Variants in NRBP1 observed in about 807,000 individuals in gnomAD.
NRBP1 encodes nuclear receptor binding protein 1, also known as nuclear receptor-binding protein.
In NRBP1, 10 loss-of-function variants were observed where a neutral mutation model predicts 76.0. The ratio of observed to expected loss-of-function variants is 0.13; its 90% confidence interval spans 0.08 to 0.22. The LOEUF is 0.22. NRBP1 is among the 10% of genes least tolerant of loss of function. The pLI, the probability that NRBP1 is intolerant of heterozygous loss-of-function variation, is 1.00. For synonymous variants in NRBP1, 235 were observed against 240.2 expected (o/e 0.98, Z 0.20); for missense variants, 344 against 646.0 (o/e 0.53, Z 5.07).
At position 27,434,456 on chromosome 2, in the gene NRBP1, G is replaced by A; in HGVS notation, c.436-15G>A. On this transcript the variant is annotated splice_polypyrimidine_tract_variant and intron_variant, in intron 4 of 17. Transcript: ENST00000379852. Reference sequence around the variant, plus strand: ...TCTACTATAAGGCCTTTTAGTAAGTGCTTTGCCTCCCCAGGTCATTTTTAT... The same window carrying A: ...TCTACTATAAGGCCTTTTAGTAAGTACTTTGCCTCCCCAGGTCATTTTTAT... The A allele has an allele frequency of 6.3e-7, 1 of 1,592,178 alleles. No individual in the cohort carries two copies. Among genetic ancestry groups the A allele is most frequent in the South Asian group, 1.1e-5 (1 of 90,572 alleles).
At chr2:27,439,014 C>T (rs1033962004) in intron 10 of NRBP1, among the ~76,000 whole-genome samples, 4 of 151,876 alleles carry the variant, frequency 2.6e-5, no homozygotes, top group African/African-American at 4.8e-5. Context: ...CTGGGAAATT[C>T]GGTGAATTCA....
intron 7 of NRBP1, chr2:27,436,057 G>A: frequency 2.0e-6 from 1 of 502,302 alleles, no homozygotes; most frequent in Non-Finnish European, 3.6e-6. Context: ...TATGATCTGA[G>A]TGAGTCCAAA....
chr2:27,440,983 G>A, intron 14 of NRBP1, 43 bp downstream of exon 14: 2 of 1,612,178 alleles, frequency 1.2e-6, no homozygotes, highest in South Asian at 2.2e-5. Flanking sequence ...GGTTGTGGTG[G>A]AAGGGAGAGA....
intron 1 of NRBP1, among the ~76,000 whole-genome samples, chr2:27,432,910 GCT>G (rs1356867805): frequency 6.6e-6 from 1 of 151,454 alleles, no homozygotes; most frequent in Non-Finnish European, 1.5e-5. Flanking sequence ...ATGGGGTCTT[GCT>G]CTGTCACCCA....
rs1157212067 is a variant in NRBP1, at chr2:27,440,831, T to C, written c.1220T>C (p.Phe407Ser). 6.2e-7 allele frequency: 1 copy of C among 1,614,052 alleles called. No homozygotes were observed. The highest frequency in any genetic ancestry group is 1.3e-5 in the African/African-American group (1 of 75,034). The change falls in exon 14 of 18, where the codon TTT becomes TCT. Residue 407 changes from phenylalanine (F) to serine (S), a missense_variant. Phe to Ser is a radical substitution (Grantham distance 155, BLOSUM62 -2). Around this residue, in one of 3 missense-constraint regions of NRBP1, gnomAD observed 218 missense variants for 309.8 expected, o/e 0.70. Coordinates refer to ENST00000379852, the MANE Select transcript of NRBP1 (RefSeq NM_013392.4). ...VRNGIYPLTA[F>S]GLPRPQQPQQ... ...AATGGGATCTATCCTCTGACAGCCT[T>C]TGGGCTGCCTCGGCCCCAGCAGCCA...
chr2:27,435,894 C>T, intron 7 of NRBP1: 1 of 676,886 alleles, frequency 1.5e-6, no homozygotes. Context: ...CCCTGCCAGC[C>T]CTCCGCCTGC....
At chr2:27,436,992 G>A in intron 8 of NRBP1, 55 bp from the exon 9 acceptor site, 1 of 1,535,956 alleles carries the variant, frequency 6.5e-7, no homozygotes, top group Non-Finnish European at 8.9e-7. Flanking sequence ...AGGCATTCCT[G>A]CCAACCCTAG....
chr2:27,433,948 G>A (rs1215439413), intron 3 of NRBP1, 41 bp from the exon 4 acceptor site: 1 of 1,550,868 alleles, frequency 6.4e-7, no homozygotes. Flanking sequence ...TTATTACAGT[G>A]ATTTGTGACT....
intron 8 of NRBP1, 75 bp downstream of exon 8, chr2:27,436,911 A>G (rs1664328599): frequency 1.4e-6 from 2 of 1,476,944 alleles, no homozygotes; most frequent in East Asian, 4.5e-5. Context: ...TACAGAGGCA[A>G]TATAACTGAA....
chr2:27,430,910 A>G (rs1664088193), intron 1 of NRBP1, among the ~76,000 whole-genome samples: 1 of 152,228 alleles, frequency 6.6e-6, no homozygotes, highest in African/African-American at 2.4e-5. Context: ...TTAGCTCTCA[A>G]TAATTCTTTT....
Position 27,441,991 on chromosome 2 carries a change from TC to T in NRBP1, c.*183del. The T allele has an allele frequency of 1.7e-6, 1 of 588,844 alleles. No individual in the cohort carries two copies. The highest frequency in any genetic ancestry group is 2.2e-5 in the South Asian group (1 of 45,944). The allele number at this position is 588,844 out of a possible 1,614,324, so 36.5% of individuals were successfully genotyped here. On this transcript the variant is annotated 3_prime_UTR_variant, in exon 18 of 18. Coordinates refer to ENST00000379852, the MANE Select transcript of NRBP1 (RefSeq NM_013392.4). ...CATCCTTTCCCCTCCCCTCTCTTCC[TC>T]CCCTCTGCACTTTGTTTACTTGTTT... is the stretch of plus-strand genomic sequence containing the variant.
intron 10 of NRBP1, among the ~76,000 whole-genome samples, chr2:27,439,351 G>A (rs1664433086): frequency 6.6e-6 from 1 of 152,030 alleles, no homozygotes; most frequent in East Asian, 1.9e-4. Flanking sequence ...CGGGCATGGT[G>A]GTGGGCACCT....
At chr2:27,436,648 A>G (rs1664319134) in intron 7 of NRBP1, 105 bp from the exon 8 acceptor site, 1 of 896,264 alleles carries the variant, frequency 1.1e-6, no homozygotes, top group East Asian at 2.4e-5. Flanking sequence ...GAGGGTCATC[A>G]GAAAGGAGAC....
chr2:27,434,583 G>A (rs1165986373), intron 5 of NRBP1, 23 bp downstream of exon 5: 1 of 1,608,768 alleles, frequency 6.2e-7, no homozygotes, highest in Non-Finnish European at 8.5e-7. Flanking sequence ...AGCAGACAAA[G>A]TTTGAGGCTG....
chr2:27,441,654 C>G, intron 17 of NRBP1, 32 bp downstream of exon 17: 1 of 1,612,926 alleles, frequency 6.2e-7, no homozygotes, highest in Non-Finnish European at 8.5e-7. Context: ...GCCCTGGCTG[C>G]CCCCATGCCT....
At chr2:27,432,847 GA>G (rs1182362539) in intron 1 of NRBP1, among the ~76,000 whole-genome samples, 1 of 152,084 alleles carries the variant, frequency 6.6e-6, no homozygotes, top group Non-Finnish European at 1.5e-5. Context: ...AAAGTGCTGG[GA>G]TTACAGAGGT....
chr2:27,435,286 T>G, intron 7 of NRBP1, 59 bp downstream of exon 7: 1 of 1,460,322 alleles, frequency 6.8e-7, no homozygotes, highest in Non-Finnish European at 9.6e-7. Flanking sequence ...ACCATGGGGG[T>G]AAGATGAAAG....
chr2:27,432,829 G>A (rs1165318261), intron 1 of NRBP1, among the ~76,000 whole-genome samples: 1 of 151,950 alleles, frequency 6.6e-6, no homozygotes, highest in Non-Finnish European at 1.5e-5. Flanking sequence ...CTCTTGCCTC[G>A]GCTTCTCAAA....
chr2:27,435,094 T>C (rs1313401031), intron 6 of NRBP1, 39 bp from the exon 7 acceptor site: 1 of 1,428,160 alleles, frequency 7.0e-7, no homozygotes, highest in Non-Finnish European at 9.8e-7. Flanking sequence ...CTGCCCTTAA[T>C]TTCCCAGTGG....
Sources: gnomAD v4.1 joint callset for allele counts (sites outside exome capture counted in the v4.1 genomes callset) on GRCh38, gnomAD v4.1.1 for gene constraint, gnomAD v4.1.1 regional missense constraint, MANE v1.5 for transcripts, NCBI Gene and HGNC (gene_info 2026-07-23, HGNC 2026-07-21) for gene names.